The following ROBO1 variants were observed in gnomAD, a reference collection of about 807,000 sequenced individuals.
ROBO1 encodes roundabout homolog 1.
Under a neutral mutation model 195.9 loss-of-function variants are expected in ROBO1, and 149 were observed. That is an observed-to-expected ratio of 0.76 (90% CI 0.67 to 0.87). ROBO1 has a LOEUF of 0.87. Among genes scored for constraint, ROBO1 ranks in the 40% least tolerant of loss-of-function variants. The pLI, the probability that ROBO1 is intolerant of heterozygous loss-of-function variation, is 0.00. For missense variants in ROBO1, 1,933 were observed against 2,068.3 expected (o/e 0.93, Z 1.27); for synonymous variants, 816 against 733.2 (o/e 1.11, Z -1.82).
intron 3 of ROBO1, among the ~76,000 whole-genome samples, chr3:79,056,885 C>T (rs1482293998): frequency 6.6e-6 from 1 of 152,048 alleles, no homozygotes; most frequent in Non-Finnish European, 1.5e-5. Context: ...TTTATCTGGA[C>T]CAAATGGCCA....
chr3:79,342,442 C>T (rs565947766), intron 2 of ROBO1, among the ~76,000 whole-genome samples: 23 of 152,236 alleles, frequency 1.5e-4, no homozygotes, highest in Middle Eastern at 3.4e-3. Context: ...TTAAAGCTTG[C>T]TTTCTAGATG....
At chr3:79,392,354 G>A (rs1050093427) in intron 2 of ROBO1, among the ~76,000 whole-genome samples, 2 of 152,168 alleles carry the variant, frequency 1.3e-5, no homozygotes, top group African/African-American at 4.8e-5. Flanking sequence ...AGTAAGAAAT[G>A]AGTACCAGTT....
intron 1 of ROBO1, among the ~76,000 whole-genome samples, chr3:79,603,394 C>A (rs779695755): frequency 1.3e-5 from 2 of 151,966 alleles, no homozygotes; most frequent in Admixed American, 6.6e-5. Flanking sequence ...CAATACCCCC[C>A]ACAGCCCTTG....
At chr3:79,674,683 C>T (rs952136230) in intron 1 of ROBO1, among the ~76,000 whole-genome samples, 2 of 151,708 alleles carry the variant, frequency 1.3e-5, no homozygotes, top group Non-Finnish European at 2.9e-5. Flanking sequence ...TAACACTATC[C>T]TCTCCTAGGC....
At chr3:79,593,720 C>A (rs1944074711) in intron 1 of ROBO1, among the ~76,000 whole-genome samples, 1 of 151,978 alleles carries the variant, frequency 6.6e-6, no homozygotes, top group South Asian at 2.1e-4. Context: ...AAGTAATCCT[C>A]CCAACTCAGC....
chr3:79,424,240 G>GCT (rs1231859621), intron 2 of ROBO1, among the ~76,000 whole-genome samples: 6 of 152,084 alleles, frequency 3.9e-5, no homozygotes, highest in Non-Finnish European at 7.4e-5. Flanking sequence ...GAGGCACTCA[G>GCT]CTCTGATCTA....
intron 2 of ROBO1, among the ~76,000 whole-genome samples, chr3:79,334,539 G>C (rs6788970): frequency 0.11 from 16,430 of 151,574 alleles, 904 homozygotes; most frequent in Middle Eastern, 0.14. Context: ...CGATAAACTT[G>C]TGTTCAGAGA....
At position 78,600,274 on chromosome 3, in the gene ROBO1, T is replaced by G. The variant is rs1384189577; in HGVS notation, c.4780A>C (p.Thr1594Pro). The G allele has an allele frequency of 3.7e-6, 6 of 1,612,932 alleles. No individual in the cohort carries two copies. In the South Asian group the frequency reaches 6.6e-5, roughly 18 times the overall value. Residue 1594 changes from threonine to proline, a missense_variant, in exon 30 of 31, where the codon ACA becomes CCA. By Grantham distance (38) the Thr-to-Pro change is conservative. Transcript: ENST00000464233. ...CTGGGATCTCTGGGATTATTTGATGTTGGAAAAGTAGGTCTACAATAAGGT... is the reference window on the plus strand; with the variant it reads ...CTGGGATCTCTGGGATTATTTGATGGTGGAAAAGTAGGTCTACAATAAGGT... ...ILPYCRPTFP[T>P]SNNPRDPSSS...
chr3:78,938,405 T>C (rs2039936797), intron 4 of ROBO1, 196 bp downstream of exon 4: 1 of 543,374 alleles, frequency 1.8e-6, no homozygotes, highest in Non-Finnish European at 3.2e-6. Flanking sequence ...TGTGTGTAAA[T>C]ACCAATTTAG....
chr3:78,839,843 G>A (rs1240250313), intron 4 of ROBO1, among the ~76,000 whole-genome samples: 2 of 152,098 alleles, frequency 1.3e-5, no homozygotes, highest in Non-Finnish European at 1.5e-5. Flanking sequence ...CTCCTCTGCT[G>A]CCTCTCAGGC....
At chr3:79,029,808 T>C (rs1559606090) in intron 3 of ROBO1, among the ~76,000 whole-genome samples, 1 of 152,206 alleles carries the variant, frequency 6.6e-6, no homozygotes. Flanking sequence ...ATATCAGATT[T>C]CTGTGTGATG....
At chr3:78,832,043 G>A (rs918761505) in intron 4 of ROBO1, among the ~76,000 whole-genome samples, 15 of 124,790 alleles carry the variant, frequency 1.2e-4, no homozygotes, top group Admixed American at 8.6e-4. Flanking sequence ...AAACAACTTT[G>A]GTAAATATTG....
intron 2 of ROBO1, among the ~76,000 whole-genome samples, chr3:79,418,059 A>G (rs1258358583): frequency 6.6e-6 from 1 of 152,152 alleles, no homozygotes; most frequent in Admixed American, 6.6e-5. Context: ...CAAGCAATAT[A>G]CAAGTGATTC....
chr3:78,872,670 G>C (rs781466258), intron 4 of ROBO1, among the ~76,000 whole-genome samples: 3 of 152,168 alleles, frequency 2.0e-5, no homozygotes, highest in Non-Finnish European at 2.9e-5. Context: ...TGTCAGGGAG[G>C]AAGTGGGGCA....
chr3:79,620,371 T>C (rs545330517), intron 1 of ROBO1, among the ~76,000 whole-genome samples: 10 of 152,240 alleles, frequency 6.6e-5, no homozygotes, highest in African/African-American at 2.4e-4. Flanking sequence ...GGTAAATCCG[T>C]ACCCTTCTTA....
intron 10 of ROBO1, among the ~76,000 whole-genome samples, chr3:78,684,432 A>G (rs2107814679): frequency 6.6e-6 from 1 of 152,272 alleles, no homozygotes; most frequent in Non-Finnish European, 1.5e-5. Flanking sequence ...GGTCTTGGAA[A>G]TGTTCCATAT....
intron 4 of ROBO1, among the ~76,000 whole-genome samples, chr3:78,830,178 G>C (rs1212347573): frequency 6.6e-6 from 1 of 152,086 alleles, no homozygotes; most frequent in African/African-American, 2.4e-5. Context: ...TGTCTCTTCT[G>C]CCTCTTGGTC....
At chr3:79,241,194 C>T (rs560761425) in intron 2 of ROBO1, among the ~76,000 whole-genome samples, 2 of 152,022 alleles carry the variant, frequency 1.3e-5, no homozygotes, top group African/African-American at 2.4e-5. Flanking sequence ...CATCATTAAA[C>T]GTTTTCGAAA....
At chr3:78,679,870 C>T (rs2080849037) in intron 10 of ROBO1, among the ~76,000 whole-genome samples, 2 of 151,980 alleles carry the variant, frequency 1.3e-5, no homozygotes, top group African/African-American at 2.4e-5. Flanking sequence ...GCCCGCATCG[C>T]CAAGTCAATC....
Sources: gnomAD v4.1 joint callset for allele counts (sites outside exome capture counted in the v4.1 genomes callset) on GRCh38, gnomAD v4.1.1 for gene constraint, MANE v1.5 for transcripts, NCBI Gene and HGNC (gene_info 2026-07-23, HGNC 2026-07-21) for gene names.